Variants in UNC13C observed in about 807,000 individuals in gnomAD.
UNC13C encodes unc-13 homolog C, also known as protein unc-13 homolog C.
In UNC13C, 174 loss-of-function variants were observed where a neutral mutation model predicts 245.4. The ratio of observed to expected loss-of-function variants is 0.71; its 90% CI spans 0.63 to 0.80. UNC13C has a LOEUF of 0.80. Among genes scored for constraint, UNC13C ranks in the 30% least tolerant of loss-of-function variants. The pLI, the probability that UNC13C is intolerant of heterozygous loss-of-function variation, is 0.00. For missense variants in UNC13C, 2,829 were observed against 2,602.9 expected (o/e 1.09, Z -1.89); for synonymous variants, 992 against 895.1 (o/e 1.11, Z -1.93).
chr15:54,274,667 C>CTTTTTTTTTTTTTTT (rs10646701), intron 10 of UNC13C, among the ~76,000 whole-genome samples: 1 of 91,604 alleles, frequency 1.1e-5, no homozygotes, highest in African/African-American at 4.6e-5. Flanking sequence ...ATAAAGTAGA[C>CTTTTTTTTTTTTTTT]TTTTTTTTTT....
intron 2 of UNC13C, chr15:54,048,798 G>T: frequency 4.1e-6 from 1 of 244,496 alleles, no homozygotes; most frequent in East Asian, 1.2e-4. Context: ...TCTTGTTATA[G>T]TTACCTGATT....
intron 4 of UNC13C, among the ~76,000 whole-genome samples, chr15:54,170,049 A>G (rs1256589348): frequency 6.8e-6 from 1 of 147,752 alleles, no homozygotes. Context: ...TACAGGGTAT[A>G]TAAGAGAAAG....
intron 17 of UNC13C, among the ~76,000 whole-genome samples, chr15:54,388,872 C>T (rs890325096): frequency 1.3e-5 from 2 of 152,052 alleles, no homozygotes; most frequent in African/African-American, 4.8e-5. Flanking sequence ...GCTTTTGAAA[C>T]TTCAGATAGG....
At chr15:54,631,764 T>C (rs886330488), downstream of UNC13C, 1 of 152,214 alleles carries the variant, frequency 6.6e-6, no homozygotes, top group African/African-American at 2.4e-5. Flanking sequence ...ACTTACCTTG[T>C]TTGGCAATAT....
chr15:53,936,314 G>T, the UNC13C span, among the ~76,000 whole-genome samples: 1 of 152,166 alleles, frequency 6.6e-6, no homozygotes, highest in Non-Finnish European at 1.5e-5. Flanking sequence ...CACTGGGTAG[G>T]GGCTCCCTGT....
chr15:54,172,259 ATTGT>A (rs1005354235), intron 4 of UNC13C, among the ~76,000 whole-genome samples: 1 of 152,034 alleles, frequency 6.6e-6, no homozygotes, highest in African/African-American at 2.4e-5. Flanking sequence ...GTATAATTGG[ATTGT>A]TTGTAACACA....
chr15:54,291,461 C>G (rs2037296994), intron 10 of UNC13C, among the ~76,000 whole-genome samples: 1 of 151,888 alleles, frequency 6.6e-6, no homozygotes, highest in Non-Finnish European at 1.5e-5. Flanking sequence ...TGAAACTTTA[C>G]AGACTTTAGT....
chr15:54,284,079 C>A (rs1271077453), intron 10 of UNC13C, among the ~76,000 whole-genome samples: 3 of 152,166 alleles, frequency 2.0e-5, no homozygotes, highest in East Asian at 1.9e-4. Context: ...TCATTACAAC[C>A]AATGACTTTA....
the UNC13C span, among the ~76,000 whole-genome samples, chr15:53,930,570 T>G: frequency 6.6e-6 from 1 of 152,166 alleles, no homozygotes; most frequent in Non-Finnish European, 1.5e-5. Context: ...ATACACAAAC[T>G]AAATACACAA....
intron 19 of UNC13C, among the ~76,000 whole-genome samples, chr15:54,449,886 T>G (rs1891072159): frequency 1.3e-5 from 2 of 152,218 alleles, no homozygotes; most frequent in Admixed American, 6.5e-5. Flanking sequence ...GCTCTGTTTT[T>G]TCCCCATCTT....
chr15:54,619,351 T>A (rs1318989520), intron 30 of UNC13C, among the ~76,000 whole-genome samples: 17 of 152,186 alleles, frequency 1.1e-4, no homozygotes, highest in Admixed American at 1.1e-3. Context: ...TCATTTGCAC[T>A]CTACGCATGT....
chr15:54,004,412 G>A (rs1309741770), intron 1 of UNC13C, among the ~76,000 whole-genome samples: 1 of 152,150 alleles, frequency 6.6e-6, no homozygotes, highest in East Asian at 1.9e-4. Context: ...TTAATCTGTT[G>A]ATGGACACTT....
chr15:54,549,522 A>C lies in UNC13C; in HGVS notation c.5821-113A>C, dbSNP rs570191770. ...AGACCAATTAAGGGCATCTGGCATAAGCCATAAGTCTTATAAGGGAAATAA... is the reference window on the plus strand; with the variant it reads ...AGACCAATTAAGGGCATCTGGCATACGCCATAAGTCTTATAAGGGAAATAA... On this transcript the variant is annotated intron_variant, in intron 27 of 32. Transcript: ENST00000260323. 6.1e-5 allele frequency: 48 copies of C among 787,724 alleles called. 1 individual carries two copies. The East Asian group carries it at 1.1e-3, about 19-fold the overall frequency. The allele number at this position is 787,724 out of a possible 1,614,324, so 48.8% of individuals were successfully genotyped here.
intron 18 of UNC13C, among the ~76,000 whole-genome samples, chr15:54,401,910 C>T (rs2040195065): frequency 6.6e-6 from 1 of 152,066 alleles, no homozygotes; most frequent in East Asian, 1.9e-4. Flanking sequence ...TTCTCCATTA[C>T]CCAAAGTATC....
At chr15:54,233,876 G>C (rs1461767420) in intron 4 of UNC13C, among the ~76,000 whole-genome samples, 1 of 152,160 alleles carries the variant, frequency 6.6e-6, no homozygotes, top group Non-Finnish European at 1.5e-5. Context: ...CCATGGGCAA[G>C]AGGTCAGCAA....
chr15:54,407,563 C>A (rs558290787), intron 18 of UNC13C, among the ~76,000 whole-genome samples: 1 of 152,214 alleles, frequency 6.6e-6, no homozygotes, highest in African/African-American at 2.4e-5. Flanking sequence ...AGAAACTTTG[C>A]ATTCTTTTTA....
intron 2 of UNC13C, among the ~76,000 whole-genome samples, chr15:54,043,726 C>T (rs1896910203): frequency 6.6e-6 from 1 of 152,126 alleles, no homozygotes; most frequent in Non-Finnish European, 1.5e-5. Context: ...GATGTTTTGT[C>T]CCTCAGTGGG....
At chr15:54,602,704 C>A (rs995550368) in intron 30 of UNC13C, among the ~76,000 whole-genome samples, 1 of 152,134 alleles carries the variant, frequency 6.6e-6, no homozygotes, top group Admixed American at 6.5e-5. Flanking sequence ...TTGCCAGTCA[C>A]CCCAGAAGTT....
At chr15:54,319,448 T>C (rs1332652636) in intron 13 of UNC13C, among the ~76,000 whole-genome samples, 3 of 151,952 alleles carry the variant, frequency 2.0e-5, no homozygotes, top group South Asian at 4.1e-4. Flanking sequence ...ATAACACTTA[T>C]CATTTCCTTA....
Sources: gnomAD v4.1 joint callset for allele counts (sites outside exome capture counted in the v4.1 genomes callset) on GRCh38, gnomAD v4.1.1 for gene constraint, MANE v1.5 for transcripts, NCBI Gene and HGNC (gene_info 2026-07-23, HGNC 2026-07-21) for gene names.